AHNAK: variants seen among roughly 807,000 people sequenced by gnomAD.
AHNAK encodes neuroblast differentiation-associated protein AHNAK.
A neutral mutation model predicts 37.8 loss-of-function variants in AHNAK; 23 were observed. The observed-to-expected ratio is 0.61, with a 90% CI of 0.44 to 0.86. AHNAK has a LOEUF of 0.86. Among genes scored for constraint, AHNAK ranks in the 40% least tolerant of loss-of-function variants. AHNAK has a pLI of 0.00. For missense variants in AHNAK, 7,411 were observed against 7,319.4 expected, an observed-to-expected ratio of 1.01 and a Z score of -0.46; for synonymous variants, 2,481 against 2,636.3, an observed-to-expected ratio of 0.94 and a Z score of 1.80.
At chr11:62,440,094 T>C (rs1938270902) in intron 5 of AHNAK, among the ~76,000 whole-genome samples, 1 of 152,218 alleles carries the variant, frequency 6.6e-6, no homozygotes, top group South Asian at 2.1e-4. Flanking sequence ...GCGTGTGGCC[T>C]GATGCACAGC....
At chr11:62,440,963 C>T (rs1488808533) in intron 5 of AHNAK, among the ~76,000 whole-genome samples, 1 of 151,840 alleles carries the variant, frequency 6.6e-6, no homozygotes, top group Admixed American at 6.6e-5. Flanking sequence ...CTCAGGAGTT[C>T]AAGACTAGCC....
At chr11:62,501,869 G>A (rs1416632417) in intron 4 of AHNAK, among the ~76,000 whole-genome samples, 1 of 152,212 alleles carries the variant, frequency 6.6e-6, no homozygotes. Flanking sequence ...ATTGCTGCAG[G>A]TGGGAAACAC....
rs757038742 is a variant in AHNAK at position 62,533,127 on chromosome 11, A to G, written c.1290T>C (p.Asn430=). 11 of 1,566,252 alleles carry G rather than the reference A, an allele frequency of 7.0e-6. No individual in the cohort carries two copies. Among genetic ancestry groups the G allele is most frequent in the Non-Finnish European group, 9.5e-6 (11 of 1,160,734 alleles). ...IDVQGPGSKL[N]VPKMKVPKFS... is the part of the protein sequence containing the mutation. ...ACTTGGGGACTTTCATCTTGGGCACATTCAGTTTGCTCCCAGGCCCCTGAA... is the reference window on the plus strand; with the variant it reads ...ACTTGGGGACTTTCATCTTGGGCACGTTCAGTTTGCTCCCAGGCCCCTGAA... The change falls in exon 5 of 5, where the codon AAT becomes AAC. Residue 430 remains asparagine (N), a synonymous_variant. Transcript: ENST00000378024.
intron 1 of AHNAK, among the ~76,000 whole-genome samples, chr11:62,542,758 A>C (rs1474914675): frequency 1.3e-5 from 2 of 152,218 alleles, no homozygotes; most frequent in East Asian, 3.9e-4. Context: ...GAAGCAGGGA[A>C]GAGTGGGCCT....
intron 5 of AHNAK, among the ~76,000 whole-genome samples, chr11:62,460,594 T>A (rs1938761923): frequency 6.6e-6 from 1 of 152,160 alleles, no homozygotes. Context: ...TGTGATATCT[T>A]TACAAAAATG....
chr11:62,479,478 TTTAAGAG>T (rs1369837023), intron 5 of AHNAK, among the ~76,000 whole-genome samples: 1 of 151,900 alleles, frequency 6.6e-6, no homozygotes, highest in Non-Finnish European at 1.5e-5. Context: ...CTTTTTTTTT[TTTAAGAG>T]AGCCATTACT....
At chr11:62,495,398 G>A (rs1180633230) in intron 4 of AHNAK, among the ~76,000 whole-genome samples, 2 of 152,166 alleles carry the variant, frequency 1.3e-5, no homozygotes, top group East Asian at 3.8e-4. Context: ...ACCTCACAGT[G>A]TCCTGTTGTA....
At position 62,531,890 on chromosome 11, in the gene AHNAK, C is replaced by T. The variant is rs201698940; in HGVS notation, c.2527G>A (p.Val843Ile). 1 of 1,612,274 alleles carries T rather than the reference C, an allele frequency of 6.2e-7. No individual in the cohort carries two copies. The highest frequency in any genetic ancestry group is 2.2e-5 in the East Asian group (1 of 44,690). Residue 843 changes from valine to isoleucine, a missense_variant, in exon 5 of 5, where the codon GTT (valine) becomes ATT (isoleucine). Val to Ile is a conservative substitution (Grantham distance 29). Coordinates refer to ENST00000378024, the MANE Select transcript of AHNAK (RefSeq NM_001620.3). ...KGEYDVTMPK[V>I]ESEIKVPDVE... ...TCAGGAACTTTAATCTCACTTTCAA[C>T]CTTTGGCATTGTGACATCATATTCT...
At position 62,524,506 on chromosome 11, in the gene AHNAK, C is replaced by A. The variant is rs370886395; in HGVS notation, c.9911G>T (p.Gly3304Val). 3.1e-6 allele frequency: 5 copies of A among 1,614,090 alleles called. No homozygotes were observed. The highest frequency in any genetic ancestry group is 8.5e-7 in the Non-Finnish European group (1 of 1,180,008). The change falls in exon 5 of 5, where the codon GGC becomes GTC. Residue 3304 changes from glycine to valine, a missense_variant. Coordinates refer to ENST00000378024, the MANE Select transcript of AHNAK (RefSeq NM_001620.3). ...ATCAACATCTCCCTTAAGCTTTGAG[C>A]CTTTCAAATTCAAGTCAATTTCTGG... ...SMPEIDLNLK[G>V]SKLKGDVDVS...
At position 62,533,129 on chromosome 11, in the gene AHNAK, T is replaced by A. The variant is rs780874230; in HGVS notation, c.1288A>T (p.Asn430Tyr). The A allele has an allele frequency of 1.9e-6, 3 of 1,564,204 alleles. No individual in the cohort carries two copies. The highest frequency in any genetic ancestry group is 2.6e-6 in the Non-Finnish European group (3 of 1,159,784). ...TTGGGGACTTTCATCTTGGGCACAT[T>A]CAGTTTGCTCCCAGGCCCCTGAACA... is the stretch of plus-strand genomic sequence containing the variant. ...IDVQGPGSKLNVPKMKVPKFS... is the reference protein window; with the variant it reads ...IDVQGPGSKLYVPKMKVPKFS... The change falls in exon 5 of 5, where the codon AAT becomes TAT. Residue 430 changes from asparagine to tyrosine, a missense_variant. Physicochemically the swap from Asn to Tyr is moderately radical, Grantham distance 143 (BLOSUM62 -2). Coordinates refer to ENST00000378024, the MANE Select transcript of AHNAK (RefSeq NM_001620.3).
intron 3 of AHNAK, 108 bp downstream of exon 3, chr11:62,535,837 G>A: frequency 7.1e-7 from 1 of 1,406,294 alleles, no homozygotes; most frequent in Non-Finnish European, 9.5e-7. Context: ...CTGGGAATGG[G>A]CCCTCGACAG....
rs1274346439 is a variant in AHNAK at position 62,525,503 on chromosome 11, G to A, written c.8914C>T (p.Leu2972=). The A allele has an allele frequency of 6.2e-7, 1 of 1,613,508 alleles. No homozygotes were observed. The highest frequency in any genetic ancestry group is 8.5e-7 in the Non-Finnish European group (1 of 1,179,952). ...KIPMPDFDLH[L]KGPKVKGDVD... ...TCGCCCTTCACCTTGGGACCTTTCA[G>A]ATGCAAATCAAAGTCAGGCATGGGG... is the stretch of plus-strand genomic sequence containing the variant. Residue 2972 remains leucine, a synonymous_variant, in exon 5 of 5, where the codon CTG becomes TTG. Transcript: ENST00000378024.
chr11:62,448,716 C>A (rs1938468848), intron 5 of AHNAK, among the ~76,000 whole-genome samples: 1 of 152,138 alleles, frequency 6.6e-6, no homozygotes, highest in Non-Finnish European at 1.5e-5. Context: ...AAAGGGGCAG[C>A]TCAGTGTTCA....
At chr11:62,504,352 C>CTGGG (rs1565216618) in intron 4 of AHNAK, among the ~76,000 whole-genome samples, 2 of 152,068 alleles carry the variant, frequency 1.3e-5, no homozygotes, top group Non-Finnish European at 2.9e-5. Context: ...CTTATCCCAC[C>CTGGG]TGGGGCTCCT....
chr11:62,433,647 C>A (rs770263948), exon 6 of AHNAK: 264 of 596,812 alleles, frequency 4.4e-4, no homozygotes, highest in Non-Finnish European at 6.8e-4. Flanking sequence ...CACACTCTGT[C>A]CCCTTGCAAG....
Position 62,524,750 on chromosome 11 carries a change from C to G in AHNAK, c.9667G>C (p.Asp3223His). The change falls in exon 5 of 5, where the codon GAT becomes CAT. Residue 3223 changes from aspartate (D) to histidine (H), a missense_variant. By Grantham distance (81) the Asp-to-His change is moderately conservative. Coordinates refer to ENST00000378024, the MANE Select transcript of AHNAK (RefSeq NM_001620.3). ...NIKAPKISMP[D>H]LDLNLKGPKM... ...GGGCCTTTAAGATTGAGGTCCAAAT[C>G]AGGCATTGATATTTTAGGAGCTTTG... The G allele has an allele frequency of 6.2e-7, 1 of 1,614,130 alleles. No individual in the cohort carries two copies. Among genetic ancestry groups the G allele is most frequent in the Non-Finnish European group, 8.5e-7 (1 of 1,180,024 alleles).
chr11:62,498,618 A>T (rs756939702), intron 4 of AHNAK, among the ~76,000 whole-genome samples: 3 of 150,318 alleles, frequency 2.0e-5, no homozygotes, highest in East Asian at 2.0e-4. Context: ...AAAAAAAGAA[A>T]TTTTTTTTTA....
chr11:62,441,054 G>A (rs1156387682), intron 5 of AHNAK, among the ~76,000 whole-genome samples: 1 of 151,744 alleles, frequency 6.6e-6, no homozygotes. Flanking sequence ...AGGCTGGAGT[G>A]CAGTGGCATC....
chr11:62,485,092 G>T (rs911475235), intron 5 of AHNAK, among the ~76,000 whole-genome samples: 1 of 152,056 alleles, frequency 6.6e-6, no homozygotes, highest in African/African-American at 2.4e-5. Context: ...CCTGGCCTTT[G>T]ACTTAGGTTT....
Sources: allele counts gnomAD v4.1 joint callset (sites outside exome capture counted in the v4.1 genomes callset), GRCh38; gene constraint gnomAD v4.1.1; transcripts MANE v1.5; gene names NCBI Gene and HGNC (gene_info 2026-07-23, HGNC 2026-07-21).